Variants in PPARGC1B observed in about 807,000 individuals in gnomAD.
PPARGC1B encodes PPARG coactivator 1 beta.
A neutral mutation model predicts 101.6 loss-of-function variants in PPARGC1B; 34 were observed. The ratio of observed to expected loss-of-function variants is 0.33; its 90% CI spans 0.25 to 0.45. The LOEUF (loss-of-function observed/expected upper bound fraction) is 0.45. Ranked by LOEUF, PPARGC1B falls within the 20% of genes least tolerant of loss-of-function variation. The pLI, the probability that PPARGC1B is intolerant of heterozygous loss-of-function variation, is 1.00. For missense variants in PPARGC1B, 1,234 were observed against 1,317.6 expected (o/e 0.94, Z 0.98); for synonymous variants, 548 against 539.3 (o/e 1.02, Z -0.22).
chr5:149,748,873 T>G (rs149754876), intron 1 of PPARGC1B, among the ~76,000 whole-genome samples: 61 of 152,330 alleles, frequency 4.0e-4, no homozygotes, highest in African/African-American at 1.4e-3. Flanking sequence ...AGCTGGAGGC[T>G]GCTCTGCAGA....
At position 149,765,092 on chromosome 5, in the gene PPARGC1B, TCTC is replaced by T. The variant is rs1041565180; in HGVS notation, c.78+34673_78+34675del. 3.5e-4 allele frequency among the ~76,000 whole-genome samples: 53 copies of T among 152,036 alleles called. 2 individuals carry two copies. Among genetic ancestry groups the T allele is most frequent in the African/African-American group, 1.2e-3 (49 of 41,470 alleles). ...TACCAACTCCCTGGGGTGGGCTTCT[TCTC>T]AAGAATAGTGCAGAGAAAGAGGGAG... On this transcript the variant is annotated intron_variant, in intron 1 of 11. Transcript: ENST00000309241.
chr5:149,752,382 G>T (rs1581012692), intron 1 of PPARGC1B, among the ~76,000 whole-genome samples: 2 of 152,204 alleles, frequency 1.3e-5, no homozygotes, highest in Non-Finnish European at 2.9e-5. Context: ...AGAGATTGGT[G>T]GGGCTCACGC....
chr5:149,842,181 C>T (rs540009146), intron 9 of PPARGC1B, 75 bp from the exon 10 acceptor site: 218 of 1,569,320 alleles, frequency 1.4e-4, no homozygotes, highest in Non-Finnish European at 1.5e-4. Context: ...AAGGACTCCA[C>T]GGGAGCCCAC....
At chr5:149,830,055 G>A (rs144825601) in intron 3 of PPARGC1B, among the ~76,000 whole-genome samples, 14,368 of 85,624 alleles carry the variant, frequency 0.17, 375 homozygotes, top group East Asian at 0.26. Flanking sequence ...AAAAAAAAAA[G>A]AAAAAAAAAA....
rs32577 is a variant in PPARGC1B, at chr5:149,833,237, G to T, written c.1164G>T (p.Pro388=). The T allele has an allele frequency of 6.2e-7, 1 of 1,613,220 alleles. No individual in the cohort carries two copies. The highest frequency in any genetic ancestry group is 8.5e-7 in the Non-Finnish European group (1 of 1,179,992). Reference sequence around the variant, plus strand: ...ACAGTCAGGCCTCCCCTGGTCGCCCGTCCTCGGTGGAGGAGGTAAGGATCG... The same window carrying T: ...ACAGTCAGGCCTCCCCTGGTCGCCCTTCCTCGGTGGAGGAGGTAAGGATCG... ...PKDSQASPGR[P]SSVEEVRIAA... The change falls in exon 5 of 12, where the codon CCG becomes CCT. Residue 388 remains proline (P), a synonymous_variant. Transcript: ENST00000309241. The surrounding 1 kb of genome is among the most constrained non-coding windows in gnomAD (Gnocchi z 4.1).
At chr5:149,829,601 G>A (rs1443375771) in intron 3 of PPARGC1B, among the ~76,000 whole-genome samples, 17 of 151,678 alleles carry the variant, frequency 1.1e-4, no homozygotes. Flanking sequence ...AAATCTAGAT[G>A]TATTCAACTT....
intron 1 of PPARGC1B, among the ~76,000 whole-genome samples, chr5:149,778,925 G>A (rs1350159578): frequency 1.3e-5 from 2 of 152,186 alleles, no homozygotes; most frequent in Non-Finnish European, 2.9e-5. Flanking sequence ...ATCTCACAGG[G>A]GAGATGACCC....
At chr5:149,746,069 C>A (rs1397208675) in intron 1 of PPARGC1B, among the ~76,000 whole-genome samples, 1 of 152,212 alleles carries the variant, frequency 6.6e-6, no homozygotes, top group Non-Finnish European at 1.5e-5. Flanking sequence ...GAATCCATTT[C>A]TGATGCCTGA....
chr5:149,803,464 G>A, intron 1 of PPARGC1B, among the ~76,000 whole-genome samples: 1 of 152,210 alleles, frequency 6.6e-6, no homozygotes, highest in East Asian at 1.9e-4. Flanking sequence ...AGTCCTAGTA[G>A]AGTGGGAGAA....
At chr5:149,857,873 A>G (rs1431187579), downstream of PPARGC1B, 1 of 152,172 alleles carries the variant, frequency 6.6e-6, no homozygotes. Context: ...GTTTGGGGAA[A>G]CCATGTGGCT....
chr5:149,817,946 A>C (rs536577821), intron 1 of PPARGC1B, among the ~76,000 whole-genome samples: 20 of 152,374 alleles, frequency 1.3e-4, no homozygotes, highest in African/African-American at 3.4e-4. Flanking sequence ...GAAATGGCCC[A>C]AAACAGGAAA....
intron 10 of PPARGC1B, among the ~76,000 whole-genome samples, chr5:149,842,773 G>A (rs570817936): frequency 3.2e-3 from 489 of 152,346 alleles, no homozygotes; most frequent in Non-Finnish European, 5.4e-3. Flanking sequence ...GAGATAGTGC[G>A]GGGCAGCAGC....
chr5:149,830,268 C>T (rs532174820), intron 3 of PPARGC1B, among the ~76,000 whole-genome samples: 6 of 150,106 alleles, frequency 4.0e-5, no homozygotes, highest in Non-Finnish European at 7.4e-5. Flanking sequence ...TAATCATTTA[C>T]AAGTATTACC....
At chr5:149,766,793 C>T (rs1755925471) in intron 1 of PPARGC1B, among the ~76,000 whole-genome samples, 2 of 152,256 alleles carry the variant, frequency 1.3e-5, no homozygotes, top group Non-Finnish European at 2.9e-5. Context: ...CTCCTCCTCA[C>T]TGCTCCCTGT....
chr5:149,770,134 CT>C (rs1218944408), intron 1 of PPARGC1B, among the ~76,000 whole-genome samples: 4 of 152,126 alleles, frequency 2.6e-5, no homozygotes, highest in Non-Finnish European at 5.9e-5. Flanking sequence ...CCCTGCCTTC[CT>C]TTTATATATC....
At chr5:149,794,180 T>TA (rs1175371705) in intron 1 of PPARGC1B, among the ~76,000 whole-genome samples, 1 of 152,214 alleles carries the variant, frequency 6.6e-6, no homozygotes, top group East Asian at 1.9e-4. Context: ...CAGCTTCTGT[T>TA]AGAGAAAGAC....
intron 1 of PPARGC1B, among the ~76,000 whole-genome samples, chr5:149,766,978 G>C (rs1051295783): frequency 5.9e-5 from 9 of 152,214 alleles, no homozygotes; most frequent in Non-Finnish European, 2.9e-5. Flanking sequence ...TTTCCAAGTT[G>C]GTTCAGCTGA....
At chr5:149,769,156 T>C (rs1269884157) in intron 1 of PPARGC1B, among the ~76,000 whole-genome samples, 3 of 152,202 alleles carry the variant, frequency 2.0e-5, no homozygotes, top group African/African-American at 7.2e-5. Flanking sequence ...CAGTTCACAA[T>C]AGGGGTTGTG....
intron 11 of PPARGC1B, chr5:149,846,419 AG>A (rs761969565): frequency 4.6e-4 from 78 of 170,292 alleles, no homozygotes; most frequent in Non-Finnish European, 7.5e-4. Context: ...GGATCACTTG[AG>A]CCCAGGAGTT....
Sources: allele counts gnomAD v4.1 joint callset (sites outside exome capture counted in the v4.1 genomes callset), GRCh38; gene constraint gnomAD v4.1.1; non-coding constraint Gnocchi (gnomAD v3.1); transcripts MANE v1.5; gene names NCBI Gene and HGNC (gene_info 2026-07-23, HGNC 2026-07-21).